CDK14: variants seen among roughly 807,000 people sequenced by gnomAD.
The protein encoded by CDK14 is cyclin dependent kinase 14.
In CDK14, 34 loss-of-function variants were observed where a neutral mutation model predicts 60.7. That is an observed-to-expected ratio of 0.56 (90% CI 0.43 to 0.75). CDK14 has a LOEUF of 0.75. Among genes scored for constraint, CDK14 ranks in the 30% least tolerant of loss-of-function variants. The probability of loss-of-function intolerance (pLI) is 0.00; values close to 1 mark genes in which losing one functional copy is unlikely to be tolerated. For synonymous variants in CDK14, 197 were observed against 203.7 expected (o/e 0.97, Z 0.28); for missense variants, 482 against 564.1 (o/e 0.85, Z 1.47).
At position 90,859,296 on chromosome 7, in the gene CDK14, C is replaced by T. The variant is rs1182676894; in HGVS notation, c.545-3879C>T. 7.2e-5 allele frequency among the ~76,000 whole-genome samples: 11 copies of T among 152,244 alleles called. No individual in the cohort carries two copies. The South Asian group carries it at 2.1e-3, about 29-fold the overall frequency. ...AAGGATTTAATATATTGTTATGAAA[C>T]AGGTTTGCTTGGGGAAGACAATGGA... On this transcript the variant is annotated intron_variant, in intron 5 of 14. Transcript: ENST00000380050.
At chr7:90,875,516 G>A (rs1455694226) in intron 6 of CDK14, among the ~76,000 whole-genome samples, 1 of 150,982 alleles carries the variant, frequency 6.6e-6, no homozygotes, top group African/African-American at 2.4e-5. Flanking sequence ...GGCAACACTT[G>A]TTATTTTCTG....
intron 11 of CDK14, among the ~76,000 whole-genome samples, chr7:91,059,642 C>A (rs1797713555): frequency 6.6e-6 from 1 of 152,216 alleles, no homozygotes; most frequent in African/African-American, 2.4e-5. Flanking sequence ...ATCTTTATTT[C>A]TGCCTTCATT....
intron 4 of CDK14, among the ~76,000 whole-genome samples, chr7:90,752,860 GAAC>G (rs1477252554): frequency 1.3e-5 from 2 of 152,022 alleles, no homozygotes; most frequent in Non-Finnish European, 2.9e-5. Context: ...AGACTATTAG[GAAC>G]AACTCTATGT....
intron 5 of CDK14, among the ~76,000 whole-genome samples, chr7:90,847,782 A>C (rs1414164111): frequency 6.6e-6 from 1 of 152,224 alleles, no homozygotes; most frequent in East Asian, 1.9e-4. Flanking sequence ...AAGAACATTG[A>C]AATGACCATT....
intron 10 of CDK14, among the ~76,000 whole-genome samples, chr7:91,045,190 C>G (rs987784696): frequency 6.6e-6 from 1 of 152,066 alleles, no homozygotes; most frequent in South Asian, 2.1e-4. Context: ...AGTGTAAGAG[C>G]CATAGATCAT....
At chr7:90,603,020 A>G (rs954115738) in intron 1 of CDK14, among the ~76,000 whole-genome samples, 47 of 151,754 alleles carry the variant, frequency 3.1e-4, no homozygotes. Context: ...CTTAATTGCC[A>G]GAATAATTTG....
chr7:90,622,740 A>G (rs1189437773), intron 2 of CDK14, among the ~76,000 whole-genome samples: 1 of 134,310 alleles, frequency 7.4e-6, no homozygotes, highest in East Asian at 3.6e-4. Context: ...AGCGAAGACT[A>G]CCCTGACTGT....
intron 2 of CDK14, 35 bp from the exon 3 acceptor site, chr7:90,726,532 T>G (rs1802638917): frequency 2.5e-6 from 4 of 1,602,250 alleles, no homozygotes; most frequent in Non-Finnish European, 3.4e-6. Flanking sequence ...AAAGTTGCAG[T>G]GAAGAGTTCT....
chr7:90,824,279 C>A (rs1005284973), intron 5 of CDK14, among the ~76,000 whole-genome samples: 1 of 152,064 alleles, frequency 6.6e-6, no homozygotes, highest in African/African-American at 2.4e-5. Flanking sequence ...GCATGATCTC[C>A]ATTATAGGTG....
chr7:90,741,960 T>G (rs1046444458), intron 3 of CDK14, among the ~76,000 whole-genome samples: 2 of 152,130 alleles, frequency 1.3e-5, no homozygotes, highest in African/African-American at 2.4e-5. Flanking sequence ...GTAATTTTTT[T>G]GAGGTTGAAC....
intron 4 of CDK14, among the ~76,000 whole-genome samples, chr7:90,748,330 G>A (rs886777263): frequency 2.0e-5 from 3 of 152,132 alleles, no homozygotes; most frequent in South Asian, 2.1e-4. Flanking sequence ...GCTCTCTGGG[G>A]GTCAGGGCAC....
intron 12 of CDK14, among the ~76,000 whole-genome samples, chr7:91,080,609 G>A (rs1021814403): frequency 2.0e-5 from 3 of 151,978 alleles, no homozygotes; most frequent in Admixed American, 6.6e-5. Context: ...CCTGATCACT[G>A]GTCTAACATA....
At chr7:91,138,757 C>G (rs952026995) in intron 14 of CDK14, among the ~76,000 whole-genome samples, 4 of 151,492 alleles carry the variant, frequency 2.6e-5, no homozygotes, top group Admixed American at 6.6e-5. Flanking sequence ...TCTTTCTTTC[C>G]CTCTTTTTTT....
chr7:90,641,249 G>C (rs182907821), intron 2 of CDK14, among the ~76,000 whole-genome samples: 1 of 152,008 alleles, frequency 6.6e-6, no homozygotes, highest in Admixed American at 6.6e-5. Context: ...ATAGAATTAT[G>C]ACATGATCCA....
chr7:90,961,823 C>T (rs933186137), intron 9 of CDK14, among the ~76,000 whole-genome samples: 3 of 152,150 alleles, frequency 2.0e-5, no homozygotes, highest in Non-Finnish European at 4.4e-5. Context: ...ATTAGGATGA[C>T]CCTGTATTTT....
chr7:90,664,509 A>G (rs1327068486), intron 2 of CDK14, among the ~76,000 whole-genome samples: 1 of 152,216 alleles, frequency 6.6e-6, no homozygotes, highest in Non-Finnish European at 1.5e-5. Context: ...TAGCGGCACT[A>G]TTCACAATAG....
At chr7:90,747,900 T>A in intron 4 of CDK14, 125 bp downstream of exon 4, 1 of 46,370 alleles carries the variant, frequency 2.2e-5, no homozygotes. Context: ...ACGGTATCCT[T>A]TTTTTTTTTT....
At chr7:90,938,711 G>A (rs1562836217) in intron 8 of CDK14, among the ~76,000 whole-genome samples, 1 of 152,180 alleles carries the variant, frequency 6.6e-6, no homozygotes, top group African/African-American at 2.4e-5. Context: ...AGTAATGTGT[G>A]AAGTTGCCAG....
chr7:90,620,888 C>T (rs1402562267), intron 2 of CDK14, among the ~76,000 whole-genome samples: 1 of 152,188 alleles, frequency 6.6e-6, no homozygotes, highest in Non-Finnish European at 1.5e-5. Flanking sequence ...CAAATTTAGG[C>T]TTCCTCCTTT....
Sources: gnomAD v4.1 joint callset for allele counts (sites outside exome capture counted in the v4.1 genomes callset) on GRCh38, gnomAD v4.1.1 for gene constraint, MANE v1.5 for transcripts, NCBI Gene and HGNC (gene_info 2026-07-23, HGNC 2026-07-21) for gene names.